The following ASAH2 variants were observed in gnomAD, a reference collection of about 807,000 sequenced individuals.
ASAH2 encodes neutral ceramidase.
A neutral mutation model predicts 82.9 loss-of-function variants in ASAH2; 58 were observed. That is an observed-to-expected ratio of 0.70 (90% CI 0.57 to 0.87). The LOEUF (loss-of-function observed/expected upper bound fraction) is 0.87. Ranked by LOEUF, ASAH2 falls within the 40% of genes least tolerant of loss-of-function variation. ASAH2 has a pLI of 0.00. For missense variants in ASAH2, 779 were observed against 834.0 expected (o/e 0.93, Z 0.81); for synonymous variants, 276 against 289.7 (o/e 0.95, Z 0.48).
Position 50,235,886 on chromosome 10 carries a change from A to G in ASAH2, c.687+2T>C, listed in dbSNP as rs939705067. The G allele has an allele frequency of 3.1e-6, 5 of 1,613,120 alleles. No homozygotes were observed. The highest frequency in any genetic ancestry group is 1.7e-5 in the Admixed American group (1 of 59,934). On this transcript the variant is annotated splice_donor_variant, in intron 5 of 20. Transcript: ENST00000682911. LOFTEE classifies it high-confidence loss of function. ...CAGCTGCCTCTGGGGCTCTTTGCCTACCTTCAAGATACCAGTGACCATGTG... is the reference window on the plus strand; with the variant it reads ...CAGCTGCCTCTGGGGCTCTTTGCCTGCCTTCAAGATACCAGTGACCATGTG...
At chr10:50,190,505 G>A (rs1464851486) in intron 19 of ASAH2, among the ~76,000 whole-genome samples, 2 of 64,304 alleles carry the variant, frequency 3.1e-5, no homozygotes, top group African/African-American at 9.0e-5. Flanking sequence ...ATAGGAACTT[G>A]TAAAGAGAGT....
intron 7 of ASAH2, among the ~76,000 whole-genome samples, chr10:50,219,103 G>A (rs1198217746): frequency 4.6e-5 from 7 of 152,118 alleles, no homozygotes; most frequent in Non-Finnish European, 1.0e-4. Flanking sequence ...TGTGACAAAC[G>A]TTGCGAAGAA....
intron 10 of ASAH2, among the ~76,000 whole-genome samples, chr10:50,211,711 C>T (rs1845459089): frequency 6.6e-6 from 1 of 152,134 alleles, no homozygotes; most frequent in Non-Finnish European, 1.5e-5. Flanking sequence ...GTTTAAAAAA[C>T]TCTTTGTTTT....
At chr10:50,236,355 A>G (rs1406590095) in intron 4 of ASAH2, among the ~76,000 whole-genome samples, 1 of 152,090 alleles carries the variant, frequency 6.6e-6, no homozygotes, top group African/African-American at 2.4e-5. Flanking sequence ...GTGCAGAGTG[A>G]AAGGGGGGAA....
intron 1 of ASAH2, among the ~76,000 whole-genome samples, chr10:50,249,443 G>GT (rs1021261209): frequency 1.2e-4 from 18 of 152,260 alleles, no homozygotes; most frequent in African/African-American, 4.1e-4. Flanking sequence ...CCCATATAAT[G>GT]TAATAGAAAG....
chr10:50,193,508 T>C (rs1212142718), intron 18 of ASAH2, among the ~76,000 whole-genome samples: 1 of 151,010 alleles, frequency 6.6e-6, no homozygotes, highest in Non-Finnish European at 1.5e-5. Context: ...AAGAAAAGAA[T>C]GGGCTAACAG....
chr10:50,238,467 G>C (rs113831393), intron 4 of ASAH2, among the ~76,000 whole-genome samples: 58 of 152,202 alleles, frequency 3.8e-4, no homozygotes, highest in Non-Finnish European at 7.6e-4. Context: ...ACATCCTTCT[G>C]TATTCCTTCT....
intron 7 of ASAH2, among the ~76,000 whole-genome samples, chr10:50,221,729 T>G (rs559225314): frequency 6.7e-6 from 1 of 148,694 alleles, no homozygotes; most frequent in African/African-American, 2.5e-5. Context: ...GATAGATAGA[T>G]AGATACAGAT....
rs987469534 is a variant in ASAH2, at chr10:50,229,071, A to G, written c.893+4113T>C. On this transcript the variant is annotated intron_variant, in intron 7 of 20. Transcript: ENST00000682911. ...ACTGACCACAACTACCACTCAGATT[A>G]TCTGCACTTGTGACTTTCTTTTTGA... 7.8e-3 allele frequency among the ~76,000 whole-genome samples: 1,183 copies of G among 152,264 alleles called. 18 individuals carry two copies. Among genetic ancestry groups the G allele is most frequent in the African/African-American group, 0.027 (1,139 of 41,560 alleles).
chr10:50,245,126 AATG>A, intron 3 of ASAH2, 93 bp downstream of exon 3: 2 of 1,054,622 alleles, frequency 1.9e-6, no homozygotes, highest in Non-Finnish European at 1.4e-6. Context: ...AAAAGAAGAT[AATG>A]ATGATGTTGT....
At chr10:50,207,298 G>C (rs1012153754) in intron 12 of ASAH2, among the ~76,000 whole-genome samples, 3 of 151,716 alleles carry the variant, frequency 2.0e-5, no homozygotes, top group South Asian at 2.1e-4. Flanking sequence ...TAAATCAAAT[G>C]TTGAAAAAGA....
chr10:50,202,774 C>A (rs1845187331), intron 16 of ASAH2, 55 bp downstream of exon 16: 3 of 1,196,048 alleles, frequency 2.5e-6, no homozygotes, highest in Non-Finnish European at 3.8e-6. Flanking sequence ...GCATTTGACA[C>A]AATAGTCTTT....
chr10:50,192,657 T>A lies in ASAH2; in HGVS notation c.2060A>T (p.Asn687Ile). ...VGANPKNSVQ[N>I]QTHQTFLTVE... The stretch of plus-strand genomic sequence containing the variant: ...AAGAAAATCATTGATACCTACCTGG[T>A]TTTGTACTGAATTCTTCGGGTTAGC... Residue 687 changes from asparagine to isoleucine, a missense_variant, in exon 19 of 21, where the codon AAC becomes ATC. Physicochemically the swap from Asn to Ile is moderately radical, Grantham distance 149 (BLOSUM62 -3). Transcript: ENST00000682911. 2.1e-4 allele frequency: 1 copy of A among 4,846 alleles called. No individual in the cohort carries two copies. The highest frequency in any genetic ancestry group is 3.4e-3 in the South Asian group (1 of 298). 0.3% of individuals were successfully genotyped at this position (4,846 alleles called of 1,614,324 possible). A position where few individuals can be genotyped will look rare whatever the true frequency, so the allele number is the denominator to read the frequency against.
At chr10:50,221,404 C>T (rs1311443880) in intron 7 of ASAH2, among the ~76,000 whole-genome samples, 1 of 152,158 alleles carries the variant, frequency 6.6e-6, no homozygotes, top group African/African-American at 2.4e-5. Flanking sequence ...ATTTCCATTA[C>T]AATCAAAGAA....
intron 7 of ASAH2, among the ~76,000 whole-genome samples, chr10:50,220,565 A>G (rs1380864929): frequency 1.3e-5 from 2 of 152,150 alleles, no homozygotes; most frequent in Non-Finnish European, 2.9e-5. Flanking sequence ...TCTCACTTAT[A>G]AGTGGGAACT....
chr10:50,199,259 G>T, intron 16 of ASAH2, 113 bp from the exon 17 acceptor site: 1 of 1,045,742 alleles, frequency 9.6e-7, no homozygotes, highest in Non-Finnish European at 1.5e-6. Flanking sequence ...TTCAAAACTG[G>T]CACAATCTTC....
chr10:50,223,932 C>A (rs887570395), intron 7 of ASAH2, among the ~76,000 whole-genome samples: 1 of 152,152 alleles, frequency 6.6e-6, no homozygotes, highest in African/African-American at 2.4e-5. Flanking sequence ...CAGATTCCCC[C>A]CTTAGAGCCT....
At chr10:50,245,610 G>A (rs771100807) in intron 2 of ASAH2, among the ~76,000 whole-genome samples, 156 bp from the exon 3 acceptor site, 1 of 152,116 alleles carries the variant, frequency 6.6e-6, no homozygotes, top group Non-Finnish European at 1.5e-5. Flanking sequence ...TCAAGAACCT[G>A]TTTAAAAATC....
chr10:50,248,783 A>C (rs1344028730), intron 1 of ASAH2, among the ~76,000 whole-genome samples, 137 bp from the exon 2 acceptor site: 1 of 152,224 alleles, frequency 6.6e-6, no homozygotes, highest in Non-Finnish European at 1.5e-5. Context: ...CCATAGACCA[A>C]GCCCATGGCA....
Sources: allele counts gnomAD v4.1 joint callset (sites outside exome capture counted in the v4.1 genomes callset), GRCh38; gene constraint gnomAD v4.1.1; transcripts MANE v1.5; gene names NCBI Gene and HGNC (gene_info 2026-07-23, HGNC 2026-07-21).